Variants in CHRM2 observed in about 807,000 individuals in gnomAD.
CHRM2 encodes the protein cholinergic receptor muscarinic 2.
A neutral mutation model predicts 25.0 loss-of-function variants in CHRM2; 8 were observed. The observed-to-expected ratio is 0.32, with a 90% CI of 0.19 to 0.58. The LOEUF is 0.58. CHRM2 is among the 20% of genes least tolerant of loss of function. The probability of loss-of-function intolerance (pLI) is 0.88; values close to 1 mark genes in which losing one functional copy is unlikely to be tolerated. For synonymous variants in CHRM2, 202 were observed against 205.7 expected (o/e 0.98, Z 0.15); for missense variants, 440 against 567.1 (o/e 0.78, Z 2.28).
intron 2 of CHRM2, chr7:136,902,026 G>A (rs1228111589): frequency 6.6e-6 from 1 of 152,002 alleles, no homozygotes; most frequent in Non-Finnish European, 1.5e-5. Flanking sequence ...GATAAGCTTA[G>A]TTAAATTGTA....
At chr7:136,935,078 C>A (rs1028984473) in intron 2 of CHRM2, among the ~76,000 whole-genome samples, 1 of 152,050 alleles carries the variant, frequency 6.6e-6, no homozygotes, top group African/African-American at 2.4e-5. Flanking sequence ...ACTTTAGATT[C>A]AGTGCAATTC....
At chr7:136,902,358 T>C (rs1304025782) in intron 2 of CHRM2, 1 of 152,056 alleles carries the variant, frequency 6.6e-6, no homozygotes, top group Non-Finnish European at 1.5e-5. Context: ...CAGAAGAGTT[T>C]GAATTTAGGT....
intron 2 of CHRM2, among the ~76,000 whole-genome samples, chr7:136,968,078 T>C (rs1412887913): frequency 6.6e-6 from 1 of 152,090 alleles, no homozygotes; most frequent in African/African-American, 2.4e-5. Context: ...TGTATGTATT[T>C]ATGTCATATA....
intron 2 of CHRM2, among the ~76,000 whole-genome samples, chr7:136,883,240 G>A (rs1370150416): frequency 2.0e-5 from 3 of 152,118 alleles, no homozygotes; most frequent in Admixed American, 6.6e-5. Flanking sequence ...GAAAGAGAAG[G>A]TTTTGGCATC....
intron 2 of CHRM2, among the ~76,000 whole-genome samples, chr7:136,942,078 T>C (rs1799805097): frequency 6.6e-6 from 1 of 152,116 alleles, no homozygotes; most frequent in South Asian, 2.1e-4. Context: ...CAAGAGGAAG[T>C]GGGGTACAAG....
chr7:136,916,141 T>G (rs1584749584), intron 2 of CHRM2, among the ~76,000 whole-genome samples: 1 of 108,304 alleles, frequency 9.2e-6, no homozygotes, highest in Non-Finnish European at 2.5e-5. Context: ...TTGTTCTAAC[T>G]TTCCTATATT....
chr7:136,966,643 A>C (rs1226439335), intron 2 of CHRM2, among the ~76,000 whole-genome samples: 1 of 151,872 alleles, frequency 6.6e-6, no homozygotes, highest in African/African-American at 2.4e-5. Flanking sequence ...CAAATTCTGA[A>C]ATTTACTTAA....
intron 2 of CHRM2, among the ~76,000 whole-genome samples, chr7:136,989,984 A>G (rs1475035589): frequency 6.6e-6 from 1 of 152,100 alleles, no homozygotes; most frequent in Non-Finnish European, 1.5e-5. Flanking sequence ...GCACCATTGA[A>G]CTTACATGCA....
intron 2 of CHRM2, among the ~76,000 whole-genome samples, chr7:136,920,964 C>G (rs1389246918): frequency 6.6e-6 from 1 of 152,054 alleles, no homozygotes; most frequent in Admixed American, 6.6e-5. Flanking sequence ...GTTACTTTCC[C>G]TTAGGGGCAC....
intron 2 of CHRM2, among the ~76,000 whole-genome samples, chr7:136,893,837 T>C (rs887740493): frequency 2.6e-5 from 4 of 152,162 alleles, no homozygotes; most frequent in African/African-American, 7.2e-5. Context: ...GAAAAAAAGA[T>C]GATAGATGGG....
chr7:136,896,090 TG>T (rs1796888390), intron 2 of CHRM2, among the ~76,000 whole-genome samples: 1 of 152,184 alleles, frequency 6.6e-6, no homozygotes, highest in African/African-American at 2.4e-5. Context: ...ATTTGAACAA[TG>T]TGAACAATTG....
intron 2 of CHRM2, among the ~76,000 whole-genome samples, chr7:136,934,558 G>A (rs1418353477): frequency 6.6e-6 from 1 of 151,878 alleles, no homozygotes; most frequent in Non-Finnish European, 1.5e-5. Context: ...CTCCCTCTTG[G>A]ACATTTTGCT....
chr7:136,890,892 T>C (rs557857745), intron 2 of CHRM2, among the ~76,000 whole-genome samples: 7 of 152,188 alleles, frequency 4.6e-5, no homozygotes, highest in South Asian at 2.1e-4. Context: ...TGTGTGTGTA[T>C]ATGTGTGTGG....
At chr7:136,875,283 C>T (rs572933417) in intron 2 of CHRM2, among the ~76,000 whole-genome samples, 6 of 151,886 alleles carry the variant, frequency 4.0e-5, no homozygotes, top group Non-Finnish European at 8.8e-5. Flanking sequence ...GAAACGTAGA[C>T]GTTTTACTCT....
intron 3 of CHRM2, among the ~76,000 whole-genome samples, chr7:137,004,040 A>G (rs1237193248): frequency 1.3e-5 from 2 of 152,082 alleles, no homozygotes. Context: ...TATAAGTTAC[A>G]CGGTCTTGGG....
At chr7:136,891,889 C>G (rs1796704385) in intron 2 of CHRM2, among the ~76,000 whole-genome samples, 1 of 152,192 alleles carries the variant, frequency 6.6e-6, no homozygotes, top group Admixed American at 6.5e-5. Context: ...GAAATAGTGG[C>G]TTTGATTTAG....
intron 3 of CHRM2, among the ~76,000 whole-genome samples, chr7:137,009,598 T>C (rs1404819985): frequency 2.6e-5 from 4 of 152,058 alleles, no homozygotes; most frequent in African/African-American, 9.7e-5. Context: ...AGGAGAAATG[T>C]GTGAGTGAGC....
intron 2 of CHRM2, among the ~76,000 whole-genome samples, chr7:136,931,481 G>A (rs1799103413): frequency 6.6e-6 from 1 of 152,182 alleles, no homozygotes; most frequent in Non-Finnish European, 1.5e-5. Context: ...GGGTACTGAG[G>A]AAGCCACGTA....
At chr7:136,878,796 C>CAT (rs1443197913) in intron 2 of CHRM2, among the ~76,000 whole-genome samples, 10 of 151,852 alleles carry the variant, frequency 6.6e-5, no homozygotes, top group Non-Finnish European at 1.3e-4. Context: ...TGTGGCTCAG[C>CAT]ATTATTTCCA....
Sources: gnomAD v4.1 joint callset for allele counts (sites outside exome capture counted in the v4.1 genomes callset) on GRCh38, gnomAD v4.1.1 for gene constraint, MANE v1.5 for transcripts, NCBI Gene and HGNC (gene_info 2026-07-23, HGNC 2026-07-21) for gene names.